The following NLRP14 variants were observed in gnomAD, a reference collection of about 807,000 sequenced individuals.
The protein encoded by NLRP14 is NLR family pyrin domain containing 14, also known as NACHT, LRR and PYD domains-containing protein 14.
NLRP14 carries 105 observed loss-of-function variants against 94.7 expected under a neutral mutation model. That is an observed-to-expected ratio of 1.11 (90% confidence interval 0.95 to 1.30). The LOEUF (loss-of-function observed/expected upper bound fraction) is 1.30, where lower values mean the gene tolerates loss of function less well. Among genes scored for constraint, NLRP14 ranks in the 50% most tolerant of loss-of-function variants. The probability of loss-of-function intolerance (pLI) is 0.00; values close to 1 mark genes in which losing one functional copy is unlikely to be tolerated. For missense variants in NLRP14, 1,362 were observed against 1,254.1 expected (o/e 1.09, Z -1.30); for synonymous variants, 508 against 459.9 (o/e 1.10, Z -1.34).
intron 6 of NLRP14, among the ~76,000 whole-genome samples, chr11:7,053,167 C>T (rs181820278): frequency 6.6e-6 from 1 of 152,000 alleles, no homozygotes; most frequent in East Asian, 1.9e-4. Context: ...TTTATTTTCC[C>T]ACTTTGAAAT....
chr11:7,052,818 A>T (rs1010150558), intron 6 of NLRP14, among the ~76,000 whole-genome samples: 1 of 152,176 alleles, frequency 6.6e-6, no homozygotes, highest in African/African-American at 2.4e-5. Flanking sequence ...GTTTATAATC[A>T]TGAAATGCCT....
intron 6 of NLRP14, among the ~76,000 whole-genome samples, chr11:7,054,377 C>A (rs1327471663): frequency 6.6e-6 from 1 of 152,040 alleles, no homozygotes; most frequent in Non-Finnish European, 1.5e-5. Flanking sequence ...TTTTGAGGAA[C>A]CTCCAAACTG....
chr11:7,045,097 A>G (rs189883391), intron 4 of NLRP14, among the ~76,000 whole-genome samples: 18 of 152,334 alleles, frequency 1.2e-4, no homozygotes, highest in Non-Finnish European at 5.9e-5. Flanking sequence ...TTTCAGTACC[A>G]TTATATACAA....
chr11:7,090,230 C>T, the NLRP14 span: 2 of 1,610,966 alleles, frequency 1.2e-6, no homozygotes, highest in Admixed American at 1.7e-5. Context: ...GGTCAGGCTG[C>T]AGGGTGCCCA....
chr11:7,068,683 G>T (rs1222884251), intron 10 of NLRP14, among the ~76,000 whole-genome samples: 1 of 152,086 alleles, frequency 6.6e-6, no homozygotes, highest in Non-Finnish European at 1.5e-5. Flanking sequence ...TAAGTACGGG[G>T]TCTTTTTCTT....
In NLRP14 at chr11:7,042,957, A is replaced by G. The variant is rs376953909; in HGVS notation, c.931A>G (p.Thr311Ala). ...ASLLVTTRLTTSKRLKQLLKN... is the reference protein window; with the variant it reads ...ASLLVTTRLTASKRLKQLLKN... ...CTTATTGGTGACAACAAGACTCACA[A>G]CTTCTAAGAGACTAAAGCAGTTGTT... Residue 311 changes from threonine (T) to alanine (A), a missense_variant, in exon 4 of 12, where the codon ACT becomes GCT. Coordinates refer to ENST00000299481, the MANE Select transcript of NLRP14 (RefSeq NM_176822.4). 1.1e-5 allele frequency: 17 copies of G among 1,614,034 alleles called. No homozygotes were observed. The African/African-American group carries it at 1.5e-4, about 14-fold the overall frequency.
chr11:7,077,038 C>T, the NLRP14 span, among the ~76,000 whole-genome samples: 2 of 152,242 alleles, frequency 1.3e-5, no homozygotes, highest in South Asian at 2.1e-4. Context: ...GCCCGAAACA[C>T]CTAGCTCTCT....
chr11:7,084,885 T>C, the NLRP14 span, among the ~76,000 whole-genome samples: 1 of 152,166 alleles, frequency 6.6e-6, no homozygotes, highest in Admixed American at 6.5e-5. Flanking sequence ...TTGGGGGTAA[T>C]CTTGTAGAAA....
chr11:7,064,134 C>T (rs1188389679), intron 10 of NLRP14, among the ~76,000 whole-genome samples: 16 of 152,172 alleles, frequency 1.1e-4, no homozygotes, highest in Admixed American at 1.0e-3. Flanking sequence ...TCCTCATTCT[C>T]ATACGTGGTA....
Position 7,049,806 on chromosome 11 carries a change from G to A in NLRP14, c.2259G>A (p.Leu753=). Reference sequence around the variant, plus strand: ...GAGTAAAGTCATTGTGTGAGGCCTTGAAACACCCAGAGTGTAAACTACAGA... The same window carrying A: ...GAGTAAAGTCATTGTGTGAGGCCTTAAAACACCCAGAGTGTAAACTACAGA... ...DNGVKSLCEA[L]KHPECKLQTL... The change falls in exon 6 of 12, where the codon TTG becomes TTA. Residue 753 remains leucine, a synonymous_variant. Transcript: ENST00000299481. 1 of 1,612,766 alleles carries A rather than the reference G, an allele frequency of 6.2e-7. No homozygotes were observed. Among genetic ancestry groups the A allele is most frequent in the East Asian group, 2.2e-5 (1 of 44,820 alleles).
chr11:7,057,378 G>A (rs1301892016), intron 6 of NLRP14, among the ~76,000 whole-genome samples: 2 of 151,778 alleles, frequency 1.3e-5, no homozygotes, highest in African/African-American at 2.4e-5. Context: ...TGTAGTTAGC[G>A]GAAATTCCTC....
intron 10 of NLRP14, among the ~76,000 whole-genome samples, chr11:7,063,754 AACTCCAAGCATGT>A (rs367893946): frequency 6.6e-6 from 1 of 152,152 alleles, no homozygotes; most frequent in East Asian, 1.9e-4. Flanking sequence ...CTAATAACAA[AACTCCAAGCATGT>A]GATGAGCCCA....
intron 6 of NLRP14, among the ~76,000 whole-genome samples, chr11:7,056,500 C>G (rs1852516887): frequency 9.8e-6 from 1 of 102,054 alleles, no homozygotes; most frequent in Non-Finnish European, 1.9e-5. Flanking sequence ...AGCTGAAATT[C>G]TATTAGCACT....
In NLRP14 at chr11:7,043,992, TG is replaced by T. The variant is rs767893759; in HGVS notation, c.1958+9del. On this transcript the variant is annotated intron_variant, in intron 4 of 11. Coordinates refer to ENST00000299481, the MANE Select transcript of NLRP14 (RefSeq NM_176822.4). ...CCTCCCAACTAACACTTGGTAAGTG[TG>T]TTAGGGCCATTCCCTGGAAGTGCCC... The T allele has an allele frequency of 5.6e-6, 9 of 1,613,556 alleles. No individual in the cohort carries two copies. The highest frequency in any genetic ancestry group is 5.0e-5 in the Admixed American group (3 of 59,988).
chr11:7,066,978 TTAC>T lies in NLRP14; in HGVS notation c.2976-3306_2976-3304del, dbSNP rs1160699007. Among the ~76,000 whole-genome samples, 10 of 152,156 alleles carry T rather than the reference TTAC, an allele frequency of 6.6e-5. No individual in the cohort carries two copies. In the East Asian group the frequency reaches 1.9e-3, roughly 29 times the overall value. ...TAGGGAATCCTTTCCCTATTGCTTG[TTAC>T]TGTCAGGTTTGTCAAAGGTCAAGTG... On this transcript the variant is annotated intron_variant, in intron 10 of 11. Transcript: ENST00000299481.
At chr11:7,031,348 C>T (rs1852092323) in intron 1 of NLRP14, among the ~76,000 whole-genome samples, 1 of 152,162 alleles carries the variant, frequency 6.6e-6, no homozygotes, top group Admixed American at 6.5e-5. Flanking sequence ...GATGTGGACT[C>T]AGGGCCCAAG....
At chr11:7,038,461 A>G in intron 1 of NLRP14, 105 bp from the exon 2 acceptor site, 1 of 954,830 alleles carries the variant, frequency 1.0e-6, no homozygotes, top group Non-Finnish European at 1.6e-6. Flanking sequence ...GGCTTCTGCA[A>G]ATGTTTGTTA....
rs768787603 is a variant in NLRP14, at chr11:7,043,514, C to T, written c.1488C>T (p.Gly496=). The stretch of plus-strand genomic sequence containing the variant: ...CAGCTATGTTCTATATGTTGAAAGG[C>T]AGTTGGGAAGCTGGGAACCCTTCCT... ...FFAAMFYMLK[G]SWEAGNPSCQ... Residue 496 remains glycine, a synonymous_variant, in exon 4 of 12, where the codon GGC becomes GGT. Transcript: ENST00000299481. The T allele has an allele frequency of 3.1e-6, 5 of 1,614,134 alleles. No homozygotes were observed. The East Asian group carries it at 6.7e-5, about 22-fold the overall frequency.
chr11:7,040,785 T>G (rs1852235852), intron 3 of NLRP14, among the ~76,000 whole-genome samples: 1 of 152,200 alleles, frequency 6.6e-6, no homozygotes, highest in African/African-American at 2.4e-5. Flanking sequence ...ACTTGTTATC[T>G]TAAATGACCT....
Sources: gnomAD v4.1 joint callset for allele counts (sites outside exome capture counted in the v4.1 genomes callset) on GRCh38, gnomAD v4.1.1 for gene constraint, MANE v1.5 for transcripts, NCBI Gene and HGNC (gene_info 2026-07-23, HGNC 2026-07-21) for gene names.